KIAA1614: variants seen among roughly 807,000 people sequenced by gnomAD.
KIAA1614 encodes the protein KIAA1614.
A neutral mutation model predicts 88.7 loss-of-function variants in KIAA1614; 76 were observed. That is an observed-to-expected ratio of 0.86 (90% CI 0.71 to 1.04). The LOEUF is 1.04. KIAA1614 is among the 50% of genes least tolerant of loss of function. The pLI is 0.00. For missense variants in KIAA1614, 1,553 were observed against 1,582.5 expected, an observed-to-expected ratio of 0.98 and a Z score of 0.32; for synonymous variants, 714 against 675.5, an observed-to-expected ratio of 1.06 and a Z score of -0.88.
At chr1:180,920,035 A>G (rs545027363) in intron 3 of KIAA1614, among the ~76,000 whole-genome samples, 5 of 152,136 alleles carry the variant, frequency 3.3e-5, no homozygotes, top group Non-Finnish European at 5.9e-5. Flanking sequence ...GTGGGGAAAC[A>G]CGCATTGTTT....
At chr1:180,943,459 G>A (rs1037789701) in intron 7 of KIAA1614, among the ~76,000 whole-genome samples, 2 of 148,276 alleles carry the variant, frequency 1.3e-5, no homozygotes, top group African/African-American at 5.0e-5. Context: ...ATTTGCAATT[G>A]CAAATATATG....
intron 6 of KIAA1614, among the ~76,000 whole-genome samples, chr1:180,939,408 C>T (rs539160483): frequency 5.2e-4 from 79 of 152,318 alleles, no homozygotes; most frequent in Non-Finnish European, 9.1e-4. Flanking sequence ...ACAACTGCTT[C>T]GCCCATGTCC....
chr1:180,937,586 G>T (rs796644491), intron 5 of KIAA1614, among the ~76,000 whole-genome samples: 3 of 152,248 alleles, frequency 2.0e-5, no homozygotes, highest in African/African-American at 7.2e-5. Context: ...GCTCTAATGT[G>T]ACCACGGCTC....
chr1:180,945,634 G>A lies in KIAA1614; in HGVS notation c.*46G>A. The A allele has an allele frequency of 6.5e-7, 1 of 1,538,724 alleles. No individual in the cohort carries two copies. Among genetic ancestry groups the A allele is most frequent in the Non-Finnish European group, 8.7e-7 (1 of 1,150,594 alleles). On this transcript the variant is annotated 3_prime_UTR_variant, in exon 9 of 9. Coordinates refer to ENST00000367588, the MANE Select transcript of KIAA1614 (RefSeq NM_020950.2). ...CAGAAAGCCTCTGACTACAGGACTA[G>A]GCTTCTCCCCTCAGGGGCTCTTTCT...
chr1:180,930,024 C>T (rs1302191263), intron 4 of KIAA1614, among the ~76,000 whole-genome samples: 2 of 152,162 alleles, frequency 1.3e-5, no homozygotes, highest in Admixed American at 6.5e-5. Context: ...GAGAGGGGCT[C>T]AGAAGACCAT....
In KIAA1614 at chr1:180,913,099, AC is replaced by A. The variant is rs923296254; in HGVS notation, c.-140del. The A allele has an allele frequency of 1.4e-5, 7 of 482,920 alleles. No homozygotes were observed. The highest frequency in any genetic ancestry group is 2.2e-5 in the Non-Finnish European group (7 of 315,414). The allele number at this position is 482,920 out of a possible 1,614,324, so 29.9% of individuals were successfully genotyped here. A position where few individuals can be genotyped will look rare whatever the true frequency, so the allele number is the denominator to read the frequency against. On this transcript the variant is annotated 5_prime_UTR_variant, in exon 1 of 9. Transcript: ENST00000367588. ...TGGCCCGGCCTCGGCGCCGTCCCGG[AC>A]CCCCAGTCGGCCGCGCCCCGAGGGG...
chr1:180,928,035 C>A, intron 3 of KIAA1614: 1 of 166,864 alleles, frequency 6.0e-6, no homozygotes, highest in Non-Finnish European at 1.3e-5. Flanking sequence ...TGTCTGGGCA[C>A]AGGCCCAGCC....
chr1:180,914,305 T>A (rs1653729092), intron 1 of KIAA1614, among the ~76,000 whole-genome samples: 1 of 152,240 alleles, frequency 6.6e-6, no homozygotes, highest in Admixed American at 6.5e-5. Flanking sequence ...GGGATAAACA[T>A]CAGCCATGCT....
rs554099630 is a variant in KIAA1614, at chr1:180,936,153, C to T, written c.2244C>T (p.Ala748=). 9.0e-5 allele frequency: 145 copies of T among 1,614,152 alleles called. 1 individual carries two copies. The South Asian group carries it at 1.6e-3, about 17-fold the overall frequency. ...DSRTPCRTAY[A]TTAPMTPESS... ...GGACTCCATGCAGGACAGCCTATGC[C>T]ACCACCGCCCCCATGACGCCTGAAT... Residue 748 remains alanine, a synonymous_variant, in exon 5 of 9, where the codon GCC becomes GCT. Coordinates refer to ENST00000367588, the MANE Select transcript of KIAA1614 (RefSeq NM_020950.2).
chr1:180,923,737 T>TG (rs1265984734), intron 3 of KIAA1614, among the ~76,000 whole-genome samples: 12 of 152,000 alleles, frequency 7.9e-5, no homozygotes, highest in Admixed American at 2.0e-4. Context: ...CAAGGAGGCA[T>TG]GGGGAGTCCC....
intron 3 of KIAA1614, among the ~76,000 whole-genome samples, chr1:180,923,338 G>T (rs565423517): frequency 2.0e-4 from 30 of 152,268 alleles, no homozygotes; most frequent in African/African-American, 7.0e-4. Flanking sequence ...AAGCTATCTA[G>T]GGACTCTCAG....
In KIAA1614 at chr1:180,945,939, A is replaced by T; in HGVS notation, c.*351A>T. On this transcript the variant is annotated 3_prime_UTR_variant, in exon 9 of 9. Coordinates refer to ENST00000367588, the MANE Select transcript of KIAA1614 (RefSeq NM_020950.2). ...GGCCCACATGGTGAAACCCATGTCT[A>T]CTAAAAATACAAAATTAGCTGGGCG... 2.9e-6 allele frequency: 1 copy of T among 343,936 alleles called. No homozygotes were observed. 21.3% of individuals were successfully genotyped at this position (343,936 alleles called of 1,614,324 possible). A position where few individuals can be genotyped will look rare whatever the true frequency, so the allele number is the denominator to read the frequency against.
chr1:180,936,166 A>G lies in KIAA1614; in HGVS notation c.2257A>G (p.Met753Val). Residue 753 changes from methionine (M) to valine (V), a missense_variant, in exon 5 of 9, where the codon ATG (methionine) becomes GTG (valine). Met to Val is a conservative substitution (Grantham distance 21). Transcript: ENST00000367588. The stretch of plus-strand genomic sequence containing the variant: ...GACAGCCTATGCCACCACCGCCCCC[A>G]TGACGCCTGAATCATCGGGGCCAGG... The part of the protein sequence containing the change: ...CRTAYATTAP[M>V]TPESSGPGGQ... 2 of 1,614,122 alleles carry G rather than the reference A, an allele frequency of 1.2e-6. No individual in the cohort carries two copies. The highest frequency in any genetic ancestry group is 1.7e-6 in the Non-Finnish European group (2 of 1,180,012).
intron 4 of KIAA1614, among the ~76,000 whole-genome samples, chr1:180,932,649 G>T (rs556064883): frequency 5.3e-5 from 8 of 152,348 alleles, no homozygotes; most frequent in Admixed American, 3.3e-4. Flanking sequence ...TTTAAGCACA[G>T]GATCTGCTGA....
chr1:180,935,299 C>T lies in KIAA1614; in HGVS notation c.1390C>T (p.His464Tyr). The T allele has an allele frequency of 6.7e-7, 1 of 1,495,640 alleles. No homozygotes were observed. Among genetic ancestry groups the T allele is most frequent in the Non-Finnish European group, 8.9e-7 (1 of 1,126,568 alleles). The allele number at this position is 1,495,640 out of a possible 1,614,324, so 92.6% of individuals were successfully genotyped here. Residue 464 changes from histidine to tyrosine, a missense_variant, in exon 5 of 9, where the codon CAC becomes TAC. His to Tyr is a moderately conservative substitution (Grantham distance 83). Coordinates refer to ENST00000367588, the MANE Select transcript of KIAA1614 (RefSeq NM_020950.2). The surrounding 1 kb of genome is among the most constrained non-coding windows in gnomAD (Gnocchi z 6.1). Reference protein sequence around the residue: ...DESAREAEFRHLERLQQRQRQ... With the variant: ...DESAREAEFRYLERLQQRQRQ... ...GTCCGCCCGCGAAGCCGAGTTCCGT[C>T]ACCTGGAGCGGCTGCAGCAGCGCCA...
At chr1:180,945,250 G>A in intron 8 of KIAA1614, 53 bp from the exon 9 acceptor site, 1 of 1,540,048 alleles carries the variant, frequency 6.5e-7, no homozygotes, top group Non-Finnish European at 8.7e-7. Context: ...GGGAAGAGCT[G>A]TGCCCAGTGC....
At chr1:180,934,252 C>CAAAAA (rs71121058) in intron 4 of KIAA1614, among the ~76,000 whole-genome samples, 10 of 101,720 alleles carry the variant, frequency 9.8e-5, no homozygotes, top group East Asian at 2.9e-4. Context: ...AACTCCGTCT[C>CAAAAA]AAAAAAAAAA....
intron 3 of KIAA1614, among the ~76,000 whole-genome samples, chr1:180,922,770 G>A (rs1653984937): frequency 1.3e-5 from 2 of 152,194 alleles, no homozygotes; most frequent in South Asian, 2.1e-4. Flanking sequence ...GCAATTCTCT[G>A]GCAGACCCCA....
intron 1 of KIAA1614, among the ~76,000 whole-genome samples, chr1:180,915,473 C>T (rs1440445089): frequency 2.0e-5 from 3 of 152,210 alleles, no homozygotes; most frequent in Non-Finnish European, 1.5e-5. Flanking sequence ...TCACTCTGGT[C>T]CACATTTGGC....
Sources: gnomAD v4.1 joint callset for allele counts (sites outside exome capture counted in the v4.1 genomes callset) on GRCh38, gnomAD v4.1.1 for gene constraint, Gnocchi (gnomAD v3.1) non-coding constraint, MANE v1.5 for transcripts, NCBI Gene and HGNC (gene_info 2026-07-23, HGNC 2026-07-21) for gene names.